The following PHKB variants were observed in gnomAD, a reference collection of about 807,000 sequenced individuals.
PHKB encodes the protein phosphorylase b kinase regulatory subunit beta.
In PHKB, 122 loss-of-function variants were observed where a neutral mutation model predicts 152.1. That is an observed-to-expected ratio of 0.80 (90% CI 0.69 to 0.93). PHKB has a LOEUF of 0.93. PHKB is among the 40% of genes least tolerant of loss of function. PHKB has a pLI of 0.00. For synonymous variants in PHKB, 436 were observed against 464.9 expected (o/e 0.94, Z 0.80); for missense variants, 1,304 against 1,328.4 (o/e 0.98, Z 0.29).
At chr16:47,542,892 G>A (rs1056074615) in intron 6 of PHKB, among the ~76,000 whole-genome samples, 1 of 152,220 alleles carries the variant, frequency 6.6e-6, no homozygotes, top group African/African-American at 2.4e-5. Context: ...AGCTTAAGGA[G>A]ATTTTGGGCT....
At chr16:47,662,818 T>A (rs574832305) in intron 23 of PHKB, among the ~76,000 whole-genome samples, 2 of 152,284 alleles carry the variant, frequency 1.3e-5, no homozygotes, top group Admixed American at 6.5e-5. Context: ...GTAGGATTTT[T>A]AAAAATCAAA....
chr16:47,529,401 A>G (rs1970822332), intron 6 of PHKB: 1 of 145,158 alleles, frequency 6.9e-6, no homozygotes, highest in Non-Finnish European at 1.5e-5. Context: ...AGGCTAGGGT[A>G]CAATGGTGTG....
At chr16:47,547,714 G>T (rs1360804585) in intron 7 of PHKB, 166 bp downstream of exon 7, 10 of 592,880 alleles carry the variant, frequency 1.7e-5, no homozygotes, top group Non-Finnish European at 2.7e-5. Context: ...ACACAAAAGA[G>T]CCCATCCTCA....
At chr16:47,682,685 T>A (rs543070376) in intron 26 of PHKB, among the ~76,000 whole-genome samples, 6 of 152,248 alleles carry the variant, frequency 3.9e-5, no homozygotes, top group African/African-American at 1.4e-4. Flanking sequence ...TCACAGTTTT[T>A]AACTTCTTTG....
chr16:47,480,863 G>A (rs1969952016), intron 1 of PHKB, among the ~76,000 whole-genome samples: 2 of 151,958 alleles, frequency 1.3e-5, no homozygotes, highest in Admixed American at 1.3e-4. Context: ...GCTACACTTA[G>A]AATAGACATG....
At chr16:47,660,051 A>C (rs1020633992) in intron 20 of PHKB, among the ~76,000 whole-genome samples, 5 of 152,050 alleles carry the variant, frequency 3.3e-5, no homozygotes, top group African/African-American at 1.2e-4. Context: ...TTTAGTAGAG[A>C]TGGGGTTTCA....
chr16:47,505,401 G>A (rs966613254), intron 4 of PHKB: 3 of 152,286 alleles, frequency 2.0e-5, no homozygotes, highest in Non-Finnish European at 4.4e-5. Flanking sequence ...GTGGGGGTGG[G>A]GAAGGGCAGA....
chr16:47,688,831 A>C (rs1477433848), intron 26 of PHKB, among the ~76,000 whole-genome samples: 2 of 151,894 alleles, frequency 1.3e-5, no homozygotes, highest in Non-Finnish European at 2.9e-5. Context: ...CAACCTCACC[A>C]CCTGTGCAAG....
At chr16:47,592,875 G>C (rs1363381767) in intron 10 of PHKB, among the ~76,000 whole-genome samples, 2 of 152,138 alleles carry the variant, frequency 1.3e-5, no homozygotes, top group Non-Finnish European at 2.9e-5. Context: ...CAAGGAAACT[G>C]CTTACAAAAT....
At position 47,609,553 on chromosome 16, in the gene PHKB, TTGTGTG is replaced by T. The variant is rs144647746; in HGVS notation, c.1364-1253_1364-1248del. 2.5e-3 allele frequency among the ~76,000 whole-genome samples: 358 copies of T among 143,826 alleles called. 1 individual carries two copies. Among genetic ancestry groups the T allele is most frequent in the Non-Finnish European group, 3.8e-3 (248 of 65,990 alleles). 94.4% of individuals were successfully genotyped at this position (143,826 alleles called of 152,430 possible). A position where few individuals can be genotyped will look rare whatever the true frequency, so the allele number is the denominator to read the frequency against. Reference sequence around the variant, plus strand: ...ACTATGTGTGGATGTGTGTGTGTGTTTGTGTGTGTGTGTGTGTGTGTGTGTAAAGTT... The same window carrying T: ...ACTATGTGTGGATGTGTGTGTGTGTTTGTGTGTGTGTGTGTGTGTAAAGTT... On this transcript the variant is annotated intron_variant, in intron 13 of 30. Coordinates refer to ENST00000323584, the MANE Select transcript of PHKB (RefSeq NM_000293.3).
At chr16:47,652,847 T>A (rs1045190917) in intron 20 of PHKB, among the ~76,000 whole-genome samples, 1 of 152,188 alleles carries the variant, frequency 6.6e-6, no homozygotes, top group African/African-American at 2.4e-5. Context: ...CTTGCTATGT[T>A]GCCCAGGCTG....
intron 1 of PHKB, among the ~76,000 whole-genome samples, chr16:47,476,288 G>A (rs1969866801): frequency 1.3e-5 from 2 of 152,142 alleles, no homozygotes; most frequent in African/African-American, 2.4e-5. Context: ...CTTAACTTAC[G>A]TATTTCTAAC....
chr16:47,570,943 G>C (rs1047198174), intron 7 of PHKB, among the ~76,000 whole-genome samples: 10 of 151,962 alleles, frequency 6.6e-5, no homozygotes, highest in African/African-American at 2.2e-4. Flanking sequence ...ATTTACTTTT[G>C]ATTTGACTGG....
At chr16:47,485,013 G>A (rs964269363) in intron 1 of PHKB, among the ~76,000 whole-genome samples, 10 of 152,250 alleles carry the variant, frequency 6.6e-5, no homozygotes, top group African/African-American at 2.2e-4. Context: ...CATTTCAAAT[G>A]TTATACATAT....
chr16:47,488,293 T>G (rs185950635), intron 1 of PHKB, among the ~76,000 whole-genome samples: 1 of 152,272 alleles, frequency 6.6e-6, no homozygotes, highest in African/African-American at 2.4e-5. Flanking sequence ...GGTTGTTTAG[T>G]TTTTGCTTAT....
At chr16:47,681,120 C>G (rs1276997449) in intron 26 of PHKB, among the ~76,000 whole-genome samples, 4 of 152,166 alleles carry the variant, frequency 2.6e-5, no homozygotes, top group African/African-American at 9.7e-5. Context: ...TTTGATTACA[C>G]TGTGGTCTGA....
chr16:47,605,586 A>C (rs923091430), intron 13 of PHKB, among the ~76,000 whole-genome samples: 19 of 152,354 alleles, frequency 1.2e-4, no homozygotes, highest in Admixed American at 3.3e-4. Context: ...AGATACGGAA[A>C]TAATTTACTG....
chr16:47,491,494 C>G (rs1263433191), intron 1 of PHKB, among the ~76,000 whole-genome samples: 1 of 152,138 alleles, frequency 6.6e-6, no homozygotes, highest in African/African-American at 2.4e-5. Context: ...GTCACGTGAA[C>G]TAAAAGGTAC....
chr16:47,503,173 G>A, intron 4 of PHKB, 83 bp downstream of exon 4: 1 of 978,878 alleles, frequency 1.0e-6, no homozygotes, highest in Non-Finnish European at 1.6e-6. Flanking sequence ...TTCTTCTGAA[G>A]AAGAATGTAC....
Sources: allele counts gnomAD v4.1 joint callset (sites outside exome capture counted in the v4.1 genomes callset), GRCh38; gene constraint gnomAD v4.1.1; transcripts MANE v1.5; gene names NCBI Gene and HGNC (gene_info 2026-07-23, HGNC 2026-07-21).